SSH2: variants seen among roughly 807,000 people sequenced by gnomAD.
SSH2 encodes the protein slingshot protein phosphatase 2, also known as protein phosphatase Slingshot homolog 2.
A neutral mutation model predicts 135.2 loss-of-function variants in SSH2; 37 were observed. The ratio of observed to expected loss-of-function variants is 0.27; its 90% CI spans 0.21 to 0.36. The LOEUF (loss-of-function observed/expected upper bound fraction) is 0.36, where lower values mean the gene tolerates loss of function less well. Ranked by LOEUF, SSH2 falls within the 10% of genes least tolerant of loss-of-function variation. The pLI is 1.00. For missense variants in SSH2, 1,408 were observed against 1,765.3 expected, an observed-to-expected ratio of 0.80 and a Z score of 3.63; for synonymous variants, 628 against 646.2, an observed-to-expected ratio of 0.97 and a Z score of 0.43.
In SSH2 at chr17:29,816,786, C is replaced by T. The variant is rs758999730; in HGVS notation, c.145-22849G>A. 5.9e-5 allele frequency among the ~76,000 whole-genome samples: 9 copies of T among 151,990 alleles called. No individual in the cohort carries two copies. In the South Asian group the frequency reaches 6.2e-4, roughly 11 times the overall value. On this transcript the variant is annotated intron_variant, in intron 2 of 15. Coordinates refer to ENST00000540801, the MANE Select transcript of SSH2 (RefSeq NM_001282129.2). ...GTCAGAAATCAGAATGTGATCTCAT[C>T]CCTAATATAAATTAGGCCTAGCTAG...
At chr17:29,857,819 C>T (rs890080096) in intron 1 of SSH2, among the ~76,000 whole-genome samples, 5 of 152,210 alleles carry the variant, frequency 3.3e-5, no homozygotes, top group African/African-American at 1.2e-4. Context: ...TATATTCACA[C>T]TGTTGTATAG....
chr17:29,776,925 T>C (rs2041714798), intron 3 of SSH2, among the ~76,000 whole-genome samples: 1 of 152,214 alleles, frequency 6.6e-6, no homozygotes, highest in Non-Finnish European at 1.5e-5. Flanking sequence ...AAATTTTAAA[T>C]TCATGGCTGG....
intron 1 of SSH2, among the ~76,000 whole-genome samples, chr17:29,897,099 C>T (rs55769128): frequency 1.3e-5 from 2 of 151,744 alleles, no homozygotes; most frequent in Admixed American, 6.6e-5. Flanking sequence ...AGAATTAGAA[C>T]AAGCTCTAAA....
At chr17:29,635,144 C>T (rs1241511431) in intron 15 of SSH2, among the ~76,000 whole-genome samples, 3 of 151,284 alleles carry the variant, frequency 2.0e-5, no homozygotes, top group Admixed American at 6.6e-5. Context: ...CCTTGTGATC[C>T]GCCCGCCTTG....
chr17:29,874,223 G>T (rs2065987916), intron 1 of SSH2, among the ~76,000 whole-genome samples: 1 of 150,328 alleles, frequency 6.7e-6, no homozygotes, highest in Admixed American at 6.6e-5. Flanking sequence ...AGCCTGGGAG[G>T]TGGAGGTTGC....
chr17:29,679,379 G>A (rs951141858), intron 6 of SSH2, among the ~76,000 whole-genome samples: 1 of 151,414 alleles, frequency 6.6e-6, no homozygotes, highest in African/African-American at 2.4e-5. Flanking sequence ...TGCACTAACT[G>A]TATAATCTTT....
chr17:29,904,052 C>T (rs1225975356), intron 1 of SSH2, among the ~76,000 whole-genome samples: 1 of 152,102 alleles, frequency 6.6e-6, no homozygotes, highest in Non-Finnish European at 1.5e-5. Flanking sequence ...GATGGATTCA[C>T]AGCTGAATTT....
chr17:29,714,467 T>A (rs927327093), intron 3 of SSH2, among the ~76,000 whole-genome samples: 2 of 152,202 alleles, frequency 1.3e-5, no homozygotes, highest in African/African-American at 4.8e-5. Context: ...CCCTTGGCAA[T>A]GTGTCTTTGA....
chr17:29,868,852 G>T (rs1194108293), intron 1 of SSH2, among the ~76,000 whole-genome samples: 2 of 152,042 alleles, frequency 1.3e-5, no homozygotes, highest in Admixed American at 1.3e-4. Context: ...GAGAAAAATT[G>T]GCAGACTTTT....
chr17:29,743,407 G>C (rs2040638309), intron 3 of SSH2, among the ~76,000 whole-genome samples: 1 of 120,694 alleles, frequency 8.3e-6, no homozygotes, highest in Non-Finnish European at 1.9e-5. Flanking sequence ...GAAGAGGCTA[G>C]ATTTGTTTTT....
intron 3 of SSH2, among the ~76,000 whole-genome samples, chr17:29,764,755 A>G (rs1424580744): frequency 6.6e-6 from 1 of 152,230 alleles, no homozygotes; most frequent in Non-Finnish European, 1.5e-5. Context: ...GACCAAATTA[A>G]GTTTTTGTAG....
chr17:29,700,147 C>G (rs1413445081), intron 4 of SSH2, among the ~76,000 whole-genome samples: 2 of 152,148 alleles, frequency 1.3e-5, no homozygotes, highest in Admixed American at 6.6e-5. Context: ...TACCTCTGAC[C>G]TAAACACTTA....
In SSH2 at chr17:29,710,772, A is replaced by G. The variant is rs372176635; in HGVS notation, c.189-7710T>C. ...GCCAAACCCCTAAAACTGGAAGGAA[A>G]AAGTAACTGTTCCTTGATGTATGCA... On this transcript the variant is annotated intron_variant, in intron 3 of 15. Coordinates refer to ENST00000540801, the MANE Select transcript of SSH2 (RefSeq NM_001282129.2). Among the ~76,000 whole-genome samples the G allele has an allele frequency of 1.2e-4, 19 of 152,354 alleles. No homozygotes were observed. In the South Asian group the frequency reaches 1.9e-3, roughly 15 times the overall value.
intron 1 of SSH2, among the ~76,000 whole-genome samples, chr17:29,874,952 T>G (rs1441125910): frequency 1.3e-5 from 2 of 152,124 alleles, no homozygotes; most frequent in African/African-American, 2.4e-5. Flanking sequence ...ATCCCATTAG[T>G]ACCAGGACTT....
chr17:29,673,959 G>T, intron 8 of SSH2: 2 of 343,866 alleles, frequency 5.8e-6, no homozygotes, highest in Non-Finnish European at 5.9e-6. Context: ...TTAGAACACT[G>T]ACAAACATTC....
intron 3 of SSH2, among the ~76,000 whole-genome samples, chr17:29,766,098 C>T (rs76350387): frequency 4.2e-5 from 2 of 47,098 alleles, no homozygotes; most frequent in Non-Finnish European, 1.1e-4. Flanking sequence ...TTATTATTAT[C>T]ATCATCATCA....
intron 1 of SSH2, among the ~76,000 whole-genome samples, chr17:29,872,210 C>T (rs1391843152): frequency 6.6e-6 from 1 of 152,158 alleles, no homozygotes; most frequent in Non-Finnish European, 1.5e-5. Context: ...GGAGAGTTTA[C>T]AGCTTTCAAT....
chr17:29,642,779 C>CA (rs1396387772), intron 14 of SSH2, among the ~76,000 whole-genome samples: 1 of 152,184 alleles, frequency 6.6e-6, no homozygotes, highest in Non-Finnish European at 1.5e-5. Context: ...CCCATACCCT[C>CA]ATACTCTGAT....
At chr17:29,862,467 G>A (rs2065781172) in intron 1 of SSH2, among the ~76,000 whole-genome samples, 1 of 152,148 alleles carries the variant, frequency 6.6e-6, no homozygotes, top group African/African-American at 2.4e-5. Flanking sequence ...TTGTATGTAG[G>A]TATAATTAAG....
Sources: gnomAD v4.1 joint callset for allele counts (sites outside exome capture counted in the v4.1 genomes callset) on GRCh38, gnomAD v4.1.1 for gene constraint, MANE v1.5 for transcripts, NCBI Gene and HGNC (gene_info 2026-07-23, HGNC 2026-07-21) for gene names.